The following CSMD1 variants were observed in gnomAD, a reference collection of about 807,000 sequenced individuals.
The protein encoded by CSMD1 is CUB and Sushi multiple domains 1, also known as CUB and sushi domain-containing protein 1.
CSMD1 carries 213 observed loss-of-function variants against 417.5 expected under a neutral mutation model. The observed-to-expected ratio is 0.51, with a 90% CI of 0.46 to 0.57. CSMD1 has a LOEUF of 0.57. Among genes scored for constraint, CSMD1 ranks in the 20% least tolerant of loss-of-function variants. The pLI is 0.00. For missense variants in CSMD1, 6,923 were observed against 4,529.7 expected, an observed-to-expected ratio of 1.53 and a Z score of -15.17; for synonymous variants, 2,862 against 1,736.8, an observed-to-expected ratio of 1.65 and a Z score of -16.11.
intron 46 of CSMD1, among the ~76,000 whole-genome samples, chr8:3,101,324 C>G (rs1815723831): frequency 1.3e-5 from 2 of 152,214 alleles, no homozygotes; most frequent in Non-Finnish European, 2.9e-5. Context: ...TGAAATGCCT[C>G]TCTTTCCTTA....
At chr8:3,019,073 A>T (rs933448715) in intron 51 of CSMD1, among the ~76,000 whole-genome samples, 1 of 152,062 alleles carries the variant, frequency 6.6e-6, no homozygotes, top group Admixed American at 6.6e-5. Context: ...GCCTGCCACC[A>T]TGTCCCGCTA....
At chr8:4,439,256 A>C (rs933976757) in intron 2 of CSMD1, among the ~76,000 whole-genome samples, 1 of 152,136 alleles carries the variant, frequency 6.6e-6, no homozygotes, top group Non-Finnish European at 1.5e-5. Flanking sequence ...CTATTAAACA[A>C]ATTAAACAAC....
At chr8:3,081,214 T>C (rs755689524) in intron 49 of CSMD1, among the ~76,000 whole-genome samples, 8 of 152,214 alleles carry the variant, frequency 5.3e-5, no homozygotes, top group Non-Finnish European at 1.2e-4. Flanking sequence ...AAGGTACCTG[T>C]TGCATTTTAG....
chr8:4,817,686 G>A (rs963346430), intron 1 of CSMD1, among the ~76,000 whole-genome samples: 2 of 152,330 alleles, frequency 1.3e-5, no homozygotes, highest in African/African-American at 4.8e-5. Flanking sequence ...AAAAGATAAT[G>A]CTATCACAAT....
At chr8:4,277,822 A>C (rs1004444031) in intron 3 of CSMD1, among the ~76,000 whole-genome samples, 3 of 152,110 alleles carry the variant, frequency 2.0e-5, no homozygotes, top group Non-Finnish European at 2.9e-5. Context: ...ATCTCGGTTC[A>C]CTGCAAGGTC....
chr8:3,780,530 T>G (rs1485963543), intron 5 of CSMD1, among the ~76,000 whole-genome samples: 7 of 152,282 alleles, frequency 4.6e-5, no homozygotes, highest in Admixed American at 2.0e-4. Context: ...TACTACTGAA[T>G]TGGATGGGTA....
chr8:3,978,765 G>C (rs548887556), intron 5 of CSMD1, among the ~76,000 whole-genome samples: 5 of 152,064 alleles, frequency 3.3e-5, no homozygotes, highest in Non-Finnish European at 5.9e-5. Flanking sequence ...GTGCATGACG[G>C]TGCTCATGCT....
At chr8:4,605,696 G>A (rs971642586) in intron 2 of CSMD1, among the ~76,000 whole-genome samples, 1 of 152,010 alleles carries the variant, frequency 6.6e-6, no homozygotes, top group South Asian at 2.1e-4. Context: ...GTCCCTTGTA[G>A]AATGCATAAA....
At chr8:4,272,650 C>T (rs577405286) in intron 3 of CSMD1, among the ~76,000 whole-genome samples, 5 of 152,122 alleles carry the variant, frequency 3.3e-5, no homozygotes, top group Non-Finnish European at 5.9e-5. Flanking sequence ...TGCATTCTTC[C>T]TAACACTCCA....
chr8:4,424,194 G>A (rs1797415026), intron 2 of CSMD1, among the ~76,000 whole-genome samples: 1 of 152,072 alleles, frequency 6.6e-6, no homozygotes, highest in East Asian at 1.9e-4. Flanking sequence ...TAATAAATTG[G>A]ATTTCATAAA....
intron 2 of CSMD1, among the ~76,000 whole-genome samples, chr8:4,424,265 G>T (rs540282112): frequency 2.4e-4 from 37 of 152,070 alleles, no homozygotes; most frequent in Non-Finnish European, 4.1e-4. Flanking sequence ...GCTGCAGACT[G>T]GGAAAACACA....
At chr8:3,272,875 A>C (rs1226276651) in intron 26 of CSMD1, among the ~76,000 whole-genome samples, 15 of 150,382 alleles carry the variant, frequency 1.0e-4, no homozygotes, top group East Asian at 2.0e-4. Flanking sequence ...TGTCGTCTGC[A>C]AACAGGGACA....
chr8:4,727,739 T>C (rs754704136), intron 1 of CSMD1, among the ~76,000 whole-genome samples: 4 of 151,994 alleles, frequency 2.6e-5, no homozygotes, highest in Admixed American at 2.6e-4. Flanking sequence ...TTCCTCTTTT[T>C]CTTCTCTGAA....
intron 5 of CSMD1, among the ~76,000 whole-genome samples, chr8:3,884,557 G>C (rs1219442754): frequency 1.3e-5 from 2 of 152,058 alleles, no homozygotes; most frequent in South Asian, 2.1e-4. Flanking sequence ...TGATATACCT[G>C]GGTGTGGAAT....
intron 2 of CSMD1, among the ~76,000 whole-genome samples, chr8:4,501,230 G>T (rs1278496133): frequency 6.6e-6 from 1 of 151,904 alleles, no homozygotes; most frequent in Non-Finnish European, 1.5e-5. Flanking sequence ...ACATTGCTGG[G>T]CCAGAGATAG....
chr8:3,514,327 G>A (rs1445970490), intron 10 of CSMD1, among the ~76,000 whole-genome samples: 1 of 152,160 alleles, frequency 6.6e-6, no homozygotes, highest in Non-Finnish European at 1.5e-5. Flanking sequence ...TTTTTGGCTA[G>A]GTGGCTGATC....
intron 10 of CSMD1, among the ~76,000 whole-genome samples, chr8:3,547,003 C>A (rs1207267855): frequency 6.6e-6 from 1 of 152,170 alleles, no homozygotes; most frequent in Non-Finnish European, 1.5e-5. Context: ...AGCGTCTCCC[C>A]TCCTGTCCAC....
chr8:3,954,605 G>A (rs1005180859), intron 5 of CSMD1, among the ~76,000 whole-genome samples: 22 of 152,276 alleles, frequency 1.4e-4, no homozygotes, highest in East Asian at 7.8e-4. Context: ...CTCGTGATCC[G>A]CCCACCTTGG....
chr8:4,044,984 T>G, intron 3 of CSMD1, among the ~76,000 whole-genome samples: 1 of 152,252 alleles, frequency 6.6e-6, no homozygotes, highest in East Asian at 1.9e-4. Context: ...CGGAGGAGTT[T>G]CTACTTCCTG....
Sources: gnomAD v4.1 joint callset for allele counts (sites outside exome capture counted in the v4.1 genomes callset) on GRCh38, gnomAD v4.1.1 for gene constraint, MANE v1.5 for transcripts, NCBI Gene and HGNC (gene_info 2026-07-23, HGNC 2026-07-21) for gene names.